The following PHF21B variants were observed in gnomAD, a reference collection of about 807,000 sequenced individuals.
The protein encoded by PHF21B is PHD finger protein 4.
PHF21B carries 22 observed loss-of-function variants against 62.2 expected under a neutral mutation model. The observed-to-expected ratio is 0.35, with a 90% confidence interval of 0.25 to 0.51. PHF21B has a LOEUF of 0.51. PHF21B is among the 20% of genes least tolerant of loss of function. PHF21B has a pLI of 0.97. For synonymous variants in PHF21B, 341 were observed against 314.7 expected (o/e 1.08, Z -0.88); for missense variants, 701 against 707.9 (o/e 0.99, Z 0.11).
chr22:45,007,381 CG>C (rs901368906), intron 2 of PHF21B, among the ~76,000 whole-genome samples: 6 of 150,484 alleles, frequency 4.0e-5, no homozygotes, highest in African/African-American at 1.5e-4. Context: ...GAAAATCCCC[CG>C]GGGGAGGGGG....
intron 4 of PHF21B, among the ~76,000 whole-genome samples, chr22:44,915,930 C>G (rs777223108): frequency 6.6e-6 from 1 of 152,208 alleles, no homozygotes; most frequent in African/African-American, 2.4e-5. Flanking sequence ...CTCTTCTAGT[C>G]ACTCATTCAG....
intron 2 of PHF21B, among the ~76,000 whole-genome samples, chr22:45,001,518 G>A (rs1008137152): frequency 2.0e-5 from 3 of 152,120 alleles, no homozygotes; most frequent in Admixed American, 6.5e-5. Context: ...ACTGGGCCTC[G>A]ACAGGTGACT....
At chr22:44,884,554 C>T (rs111213387) in intron 12 of PHF21B, among the ~76,000 whole-genome samples, 11,276 of 80,206 alleles carry the variant, frequency 0.14, 595 homozygotes, top group East Asian at 0.2. Flanking sequence ...ATCACCACAA[C>T]CATGATCGCC....
chr22:44,957,706 GTT>G (rs750400280), intron 2 of PHF21B, among the ~76,000 whole-genome samples: 6 of 152,036 alleles, frequency 3.9e-5, no homozygotes, highest in Non-Finnish European at 7.4e-5. Context: ...ACCTAAATAG[GTT>G]TCTCTCCAGG....
At chr22:44,963,309 G>T (rs549130459) in intron 2 of PHF21B, among the ~76,000 whole-genome samples, 1 of 152,270 alleles carries the variant, frequency 6.6e-6, no homozygotes, top group African/African-American at 2.4e-5. Context: ...GGCCCCGAGC[G>T]CAAGACAGCA....
chr22:44,947,011 C>G (rs543446589), intron 2 of PHF21B, among the ~76,000 whole-genome samples: 13 of 152,328 alleles, frequency 8.5e-5, no homozygotes. Flanking sequence ...TCACTGAAGC[C>G]CAATGACAAT....
chr22:44,923,331 C>CAAAAAAAAAA (rs34100382), intron 2 of PHF21B, among the ~76,000 whole-genome samples: 3 of 125,106 alleles, frequency 2.4e-5, no homozygotes, highest in African/African-American at 2.9e-5. Context: ...CATACCATAT[C>CAAAAAAAAAA]AAAAAAAAAA....
At chr22:44,904,203 G>A (rs1391033791) in intron 5 of PHF21B, among the ~76,000 whole-genome samples, 1 of 152,112 alleles carries the variant, frequency 6.6e-6, no homozygotes, top group African/African-American at 2.4e-5. Context: ...CTCCTGGCAT[G>A]TTCTAACTCC....
chr22:44,972,872 T>C (rs576021271), intron 2 of PHF21B, among the ~76,000 whole-genome samples: 2 of 152,148 alleles, frequency 1.3e-5, no homozygotes, highest in African/African-American at 4.8e-5. Context: ...GGCACAGGCC[T>C]GGTGCCAAGG....
At chr22:44,999,316 G>C (rs537549520) in intron 2 of PHF21B, among the ~76,000 whole-genome samples, 23 of 152,260 alleles carry the variant, frequency 1.5e-4, no homozygotes, top group African/African-American at 5.5e-4. Flanking sequence ...ATAAAAAGGA[G>C]AGCAGAACGC....
At chr22:44,987,212 G>T (rs575033999) in intron 2 of PHF21B, among the ~76,000 whole-genome samples, 1 of 152,188 alleles carries the variant, frequency 6.6e-6, no homozygotes, top group Non-Finnish European at 1.5e-5. Context: ...AGCTGCTGAG[G>T]GGTGAATGAA....
chr22:44,922,852 T>C lies in PHF21B; in HGVS notation c.121-2362A>G, dbSNP rs184864967. On this transcript the variant is annotated intron_variant, in intron 2 of 12. Coordinates refer to ENST00000313237, the MANE Select transcript of PHF21B (RefSeq NM_138415.5). ...TTAAGAAAGAGATATACCGTAACCATGAATCAGAAGCCTCAACATTGTTAA... is the reference window on the plus strand; with the variant it reads ...TTAAGAAAGAGATATACCGTAACCACGAATCAGAAGCCTCAACATTGTTAA... Among the ~76,000 whole-genome samples the C allele has an allele frequency of 2.7e-3, 409 of 152,282 alleles. 1 individual carries two copies. The highest frequency in any genetic ancestry group is 6.8e-3 in the Middle Eastern group (2 of 294).
intron 2 of PHF21B, among the ~76,000 whole-genome samples, chr22:44,948,621 G>A (rs2072127029): frequency 6.6e-6 from 1 of 151,822 alleles, no homozygotes; most frequent in South Asian, 2.1e-4. Context: ...AACCCGGGAG[G>A]CAGAGGTGGC....
chr22:44,891,674 T>C (rs1461133341), intron 7 of PHF21B, among the ~76,000 whole-genome samples: 1 of 152,218 alleles, frequency 6.6e-6, no homozygotes, highest in Non-Finnish European at 1.5e-5. Context: ...ATCAGTCACA[T>C]GGTGCATGTT....
At chr22:44,972,594 A>G in intron 2 of PHF21B, among the ~76,000 whole-genome samples, 1 of 152,186 alleles carries the variant, frequency 6.6e-6, no homozygotes, top group East Asian at 1.9e-4. Flanking sequence ...ACGCCCTGAC[A>G]TGGCTCCTCA....
intron 2 of PHF21B, 145 bp from the exon 3 acceptor site, chr22:44,920,635 C>T: frequency 1.9e-6 from 1 of 535,696 alleles, no homozygotes; most frequent in South Asian, 2.9e-5. Flanking sequence ...TTTAAAAAAT[C>T]ACAATAGTAA....
At chr22:44,995,876 C>T (rs111494959) in intron 2 of PHF21B, among the ~76,000 whole-genome samples, 5,822 of 151,124 alleles carry the variant, frequency 0.039, 185 homozygotes, top group South Asian at 0.097. Flanking sequence ...TGCCCATCTC[C>T]GCCGGGCCCC....
chr22:44,958,352 G>A (rs1287292909), intron 2 of PHF21B, among the ~76,000 whole-genome samples: 1 of 152,178 alleles, frequency 6.6e-6, no homozygotes. Flanking sequence ...CTGCAGTGTG[G>A]ACCTTTTCCT....
intron 2 of PHF21B, among the ~76,000 whole-genome samples, chr22:44,924,508 C>T (rs1638585786): frequency 1.3e-5 from 2 of 152,142 alleles, no homozygotes; most frequent in South Asian, 4.1e-4. Flanking sequence ...GAGGGTGGAG[C>T]CCTCAGTTAG....
Sources: allele counts gnomAD v4.1 joint callset (sites outside exome capture counted in the v4.1 genomes callset), GRCh38; gene constraint gnomAD v4.1.1; transcripts MANE v1.5; gene names NCBI Gene and HGNC (gene_info 2026-07-23, HGNC 2026-07-21).